The following LRP2 variants were observed in gnomAD, a reference collection of about 807,000 sequenced individuals.
LRP2 encodes LDL receptor related protein 2, also known as low-density lipoprotein receptor-related protein 2.
A neutral mutation model predicts 531.0 loss-of-function variants in LRP2; 172 were observed. That is an observed-to-expected ratio of 0.32 (90% CI 0.29 to 0.37). LRP2 has a LOEUF of 0.37. Ranked by LOEUF, LRP2 falls within the 10% of genes least tolerant of loss-of-function variation. The pLI, the probability that LRP2 is intolerant of heterozygous loss-of-function variation, is 1.00. For synonymous variants in LRP2, 1,992 were observed against 2,027.6 expected, an observed-to-expected ratio of 0.98 and a Z score of 0.47; for missense variants, 5,167 against 5,868.3, an observed-to-expected ratio of 0.88 and a Z score of 3.90.
At chr2:169,358,898 C>CA (rs777233354) in intron 1 of LRP2, among the ~76,000 whole-genome samples, 66,366 of 115,710 alleles carry the variant, frequency 0.57, 17,634 homozygotes, top group South Asian at 0.65. Context: ...ACGATTTTCT[C>CA]AAAAAAAAAA....
chr2:169,327,948 C>A (rs1477922686), intron 1 of LRP2, among the ~76,000 whole-genome samples: 1 of 105,672 alleles, frequency 9.5e-6, no homozygotes, highest in Non-Finnish European at 2.2e-5. Flanking sequence ...CGTCAGCCCC[C>A]CGCCCGGCCA....
chr2:169,184,281 T>C (rs528575522), intron 50 of LRP2, among the ~76,000 whole-genome samples: 1 of 152,350 alleles, frequency 6.6e-6, no homozygotes, highest in South Asian at 2.1e-4. Context: ...AAACAGGAAT[T>C]GATACATACA....
intron 16 of LRP2, among the ~76,000 whole-genome samples, chr2:169,265,016 A>C (rs1324042450): frequency 6.6e-6 from 1 of 151,932 alleles, no homozygotes; most frequent in Non-Finnish European, 1.5e-5. Context: ...CCACTCCCAG[A>C]ACAGACCACC....
intron 1 of LRP2, among the ~76,000 whole-genome samples, chr2:169,346,939 A>G (rs1038609678): frequency 2.0e-5 from 3 of 152,196 alleles, no homozygotes; most frequent in African/African-American, 4.8e-5. Context: ...TCTATCTTTG[A>G]GGCCTTCCTA....
chr2:169,334,828 G>A (rs943098935), intron 1 of LRP2, among the ~76,000 whole-genome samples: 7 of 152,154 alleles, frequency 4.6e-5, no homozygotes, highest in African/African-American at 1.2e-4. Context: ...ATCAGGTTAC[G>A]GTGAGGATTA....
intron 47 of LRP2, among the ~76,000 whole-genome samples, chr2:169,192,775 G>A (rs938827410): frequency 6.6e-6 from 1 of 152,184 alleles, no homozygotes; most frequent in Admixed American, 6.5e-5. Flanking sequence ...AAAGACAGGT[G>A]AGAGAAATGC....
intron 49 of LRP2, among the ~76,000 whole-genome samples, chr2:169,187,409 A>C (rs1687671743): frequency 6.6e-6 from 1 of 152,266 alleles, no homozygotes; most frequent in South Asian, 2.1e-4. Context: ...TACAGAGACA[A>C]TATCAACATA....
rs2105338117 is a variant in LRP2, at chr2:169,139,589, T to C, written c.13221A>G (p.Gly4407=). 1 of 1,614,234 alleles carries C rather than the reference T, an allele frequency of 6.2e-7. No individual in the cohort carries two copies. The highest frequency in any genetic ancestry group is 2.2e-5 in the East Asian group (1 of 44,888). Residue 4407 remains glycine (G), a synonymous_variant, in exon 73 of 79, where the codon GGA becomes GGG. Coordinates refer to ENST00000649046, the MANE Select transcript of LRP2 (RefSeq NM_004525.3). ...TTGAAAACGCCATTTCACAATATTT[T>C]CCGGTGTAGCCGCTAGGACACCTGA... ...PKCKCPSGYT[G]KYCEMAFSKG... is the part of the protein sequence containing the mutation.
At chr2:169,325,820 T>G (rs974338023) in intron 1 of LRP2, among the ~76,000 whole-genome samples, 2 of 152,000 alleles carry the variant, frequency 1.3e-5, no homozygotes, top group Non-Finnish European at 2.9e-5. Flanking sequence ...TTAATCCAGT[T>G]TACAAACCAC....
chr2:169,153,674 AG>A (rs1686226573), intron 66 of LRP2, among the ~76,000 whole-genome samples: 1 of 152,202 alleles, frequency 6.6e-6, no homozygotes, highest in African/African-American at 2.4e-5. Flanking sequence ...AAAAAAATTG[AG>A]ATTCAGAGAA....
chr2:169,154,694 T>C, intron 65 of LRP2, 91 bp from the exon 66 acceptor site: 1 of 1,150,420 alleles, frequency 8.7e-7, no homozygotes. Flanking sequence ...ACCTGTCCCC[T>C]TTTTAAAGAA....
intron 28 of LRP2, 40 bp from the exon 29 acceptor site, chr2:169,236,108 T>C (rs1424623354): frequency 7.3e-7 from 1 of 1,375,198 alleles, no homozygotes; most frequent in African/African-American, 1.4e-5. Context: ...GGGGACGTAT[T>C]TAAATATTAA....
intron 4 of LRP2, among the ~76,000 whole-genome samples, chr2:169,301,102 TC>T (rs1352213380): frequency 6.6e-6 from 1 of 152,152 alleles, no homozygotes; most frequent in African/African-American, 2.4e-5. Context: ...TTTTACCCTT[TC>T]TTTGGCATTC....
chr2:169,181,388 A>T, intron 52 of LRP2, 60 bp downstream of exon 52: 1 of 1,541,752 alleles, frequency 6.5e-7, no homozygotes, highest in Non-Finnish European at 9.0e-7. Context: ...CTGGAATCAC[A>T]AGCTCTGATG....
chr2:169,167,140 G>T (rs563929830), intron 61 of LRP2, among the ~76,000 whole-genome samples: 1 of 152,212 alleles, frequency 6.6e-6, no homozygotes, highest in Non-Finnish European at 1.5e-5. Context: ...ACCTTATGGA[G>T]AGAAGAGATT....
chr2:169,316,016 C>G (rs1185083673), intron 3 of LRP2, among the ~76,000 whole-genome samples: 1 of 149,806 alleles, frequency 6.7e-6, no homozygotes, highest in Admixed American at 6.6e-5. Context: ...GCCATGCGCC[C>G]GTAGTCCCAG....
intron 16 of LRP2, among the ~76,000 whole-genome samples, chr2:169,268,937 C>T (rs968680254): frequency 2.6e-5 from 4 of 152,150 alleles, no homozygotes; most frequent in African/African-American, 7.2e-5. Context: ...GCAAAAATCA[C>T]AAGCATTCCT....
chr2:169,238,100 G>A lies in LRP2; in HGVS notation c.4497C>T (p.Asp1499=). 1 of 1,613,918 alleles carries A rather than the reference G, an allele frequency of 6.2e-7. No homozygotes were observed. Among genetic ancestry groups the A allele is most frequent in the Non-Finnish European group, 8.5e-7 (1 of 1,179,828 alleles). Residue 1499 remains aspartate, a synonymous_variant, in exon 27 of 79, where the codon GAC becomes GAT. Coordinates refer to ENST00000649046, the MANE Select transcript of LRP2 (RefSeq NM_004525.3). The part of the protein sequence containing the change: ...KTWSAFQNGT[D]RRVVFDSSII... ...ACAGAAATGTACTTACCACTCTTCT[G>A]TCCGTTCCATTTTGAAACGCACTCC... is the stretch of plus-strand genomic sequence containing the variant.
At chr2:169,353,571 C>T (rs1685910384) in intron 1 of LRP2, among the ~76,000 whole-genome samples, 1 of 152,144 alleles carries the variant, frequency 6.6e-6, no homozygotes, top group South Asian at 2.1e-4. Context: ...AAAATTAAAC[C>T]AGTGTGGAAG....
Sources: gnomAD v4.1 joint callset for allele counts (sites outside exome capture counted in the v4.1 genomes callset) on GRCh38, gnomAD v4.1.1 for gene constraint, MANE v1.5 for transcripts, NCBI Gene and HGNC (gene_info 2026-07-23, HGNC 2026-07-21) for gene names.